Variants in DYNC2I1 observed in about 807,000 individuals in gnomAD.
DYNC2I1 encodes the protein cytoplasmic dynein 2 intermediate chain 1.
In DYNC2I1, 89 loss-of-function variants were observed where a neutral mutation model predicts 133.4. The ratio of observed to expected loss-of-function variants is 0.67; its 90% CI spans 0.56 to 0.80. The LOEUF is 0.80. Among genes scored for constraint, DYNC2I1 ranks in the 30% least tolerant of loss-of-function variants. DYNC2I1 has a pLI of 0.00. For missense variants in DYNC2I1, 1,291 were observed against 1,314.5 expected (o/e 0.98, Z 0.28); for synonymous variants, 504 against 484.3 (o/e 1.04, Z -0.54).
At chr7:158,886,886 T>G (rs1163422576) in intron 6 of DYNC2I1, 135 bp from the exon 7 acceptor site, 23 of 799,722 alleles carry the variant, frequency 2.9e-5, no homozygotes, top group Non-Finnish European at 4.4e-5. Flanking sequence ...CAGGTGCAAG[T>G]CATCGCTCCT....
At chr7:158,944,798 A>G (rs1026304785) in intron 24 of DYNC2I1, among the ~76,000 whole-genome samples, 1 of 152,204 alleles carries the variant, frequency 6.6e-6, no homozygotes, top group African/African-American at 2.4e-5. Flanking sequence ...TGAAGCAAAG[A>G]CGGGCAGGGA....
At chr7:158,861,049 C>T (rs1351765431) in intron 1 of DYNC2I1, among the ~76,000 whole-genome samples, 4 of 152,240 alleles carry the variant, frequency 2.6e-5, no homozygotes, top group Non-Finnish European at 5.9e-5. Context: ...AAGGCCACCT[C>T]TGGGACAACC....
chr7:158,881,529 C>T (rs1241837776), intron 5 of DYNC2I1, among the ~76,000 whole-genome samples: 1 of 152,174 alleles, frequency 6.6e-6, no homozygotes, highest in Non-Finnish European at 1.5e-5. Flanking sequence ...TCTCGGCTCA[C>T]TGCAACCTTG....
Position 158,887,179 on chromosome 7 carries a change from C to T in DYNC2I1, c.990+104C>T, listed in dbSNP as rs565002688. 3.1e-5 allele frequency: 35 copies of T among 1,130,626 alleles called. No individual in the cohort carries two copies. In the South Asian group the frequency reaches 4.2e-4, roughly 13 times the overall value. 70.0% of individuals were successfully genotyped at this position (1,130,626 alleles called of 1,614,324 possible). ...TGAAACCAGAGGCCGAGACAGGGCT[C>T]ATTTGCAGATGGTTTATTCGAGTGG... On this transcript the variant is annotated intron_variant, in intron 7 of 24. Transcript: ENST00000407559.
intron 14 of DYNC2I1, among the ~76,000 whole-genome samples, chr7:158,914,858 C>T (rs895321344): frequency 2.0e-5 from 3 of 152,314 alleles, no homozygotes; most frequent in Admixed American, 6.5e-5. Context: ...TCTAACTTTG[C>T]CTCCAAATAC....
intron 8 of DYNC2I1, among the ~76,000 whole-genome samples, chr7:158,892,070 G>T (rs990637350): frequency 9.9e-5 from 15 of 152,166 alleles, no homozygotes; most frequent in Non-Finnish European, 1.9e-4. Flanking sequence ...TGTGGTTCTA[G>T]CTCTGCACAG....
At chr7:158,865,457 C>CA (rs1283761509) in intron 1 of DYNC2I1, among the ~76,000 whole-genome samples, 2 of 152,328 alleles carry the variant, frequency 1.3e-5, no homozygotes, top group African/African-American at 4.8e-5. Flanking sequence ...AATCGAGGGA[C>CA]AGAGGCCCTG....
intron 8 of DYNC2I1, among the ~76,000 whole-genome samples, chr7:158,896,511 G>A (rs957267860): frequency 6.6e-5 from 10 of 151,978 alleles, no homozygotes; most frequent in Admixed American, 5.3e-4. Flanking sequence ...TAACTCTGTC[G>A]CTCAGACTTG....
At chr7:158,857,534 GTTTTTGTTTTTT>G (rs1369101477) in intron 1 of DYNC2I1, among the ~76,000 whole-genome samples, 3 of 131,402 alleles carry the variant, frequency 2.3e-5, no homozygotes, top group African/African-American at 9.4e-5. Context: ...TAAACCTTAG[GTTTTTGTTTTTT>G]TTTTTTTTTT....
intron 8 of DYNC2I1, among the ~76,000 whole-genome samples, chr7:158,893,665 CATATCATACCAT>C (rs1346885583): frequency 2.0e-5 from 3 of 151,946 alleles, no homozygotes; most frequent in African/African-American, 7.3e-5. Context: ...TGTCACACCG[CATATCATACCAT>C]ATATCATAGT....
chr7:158,932,662 C>G (rs767869127), intron 21 of DYNC2I1, among the ~76,000 whole-genome samples: 3 of 152,048 alleles, frequency 2.0e-5, no homozygotes, highest in Non-Finnish European at 2.9e-5. Flanking sequence ...GTAGATGGGT[C>G]AGTGTGGCAG....
chr7:158,856,671 C>T lies in DYNC2I1; in HGVS notation c.-65C>T, dbSNP rs1177189748. The T allele has an allele frequency of 1.9e-5, 23 of 1,231,002 alleles. No homozygotes were observed. Among genetic ancestry groups the T allele is most frequent in the Admixed American group, 4.2e-5 (1 of 23,648 alleles). The allele number at this position is 1,231,002 out of a possible 1,614,324, so 76.3% of individuals were successfully genotyped here. On this transcript the variant is annotated 5_prime_UTR_variant, in exon 1 of 25. Coordinates refer to ENST00000407559, the MANE Select transcript of DYNC2I1 (RefSeq NM_018051.5). ...GAAGGGTGCGGGGCACAGGTGGCCT[C>T]TTCGGGGTGGACCGCGCCTGGCCGG...
rs187346500 is a variant in DYNC2I1 at position 158,905,195 on chromosome 7, C to T, written c.1358-794C>T. 12 of 385,716 alleles carry T rather than the reference C, an allele frequency of 3.1e-5. No individual in the cohort carries two copies. The East Asian group carries it at 9.1e-4, about 29-fold the overall frequency. The allele number at this position is 385,716 out of a possible 1,614,324, so 23.9% of individuals were successfully genotyped here. On this transcript the variant is annotated intron_variant, in intron 10 of 24. Transcript: ENST00000407559. The stretch of plus-strand genomic sequence containing the variant: ...TCACTATGTCTCCCGTGCTGGAGTA[C>T]AGTGGCATGATCTCGGCTCACTGCA...
At chr7:158,862,797 C>T (rs954428678) in intron 1 of DYNC2I1, among the ~76,000 whole-genome samples, 1 of 152,006 alleles carries the variant, frequency 6.6e-6, no homozygotes, top group African/African-American at 2.4e-5. Flanking sequence ...GAGTTTGTTC[C>T]TTCACATGTT....
At chr7:158,841,252 G>A in the DYNC2I1 span, among the ~76,000 whole-genome samples, 1 of 136,792 alleles carries the variant, frequency 7.3e-6, no homozygotes, top group African/African-American at 2.8e-5. Context: ...TGTCACCCAG[G>A]CTGGAGTGCA....
downstream of DYNC2I1, among the ~76,000 whole-genome samples, chr7:158,948,828 G>C (rs1379687737): frequency 6.6e-6 from 1 of 152,188 alleles, no homozygotes; most frequent in Admixed American, 6.5e-5. Context: ...CCCAGGTATG[G>C]TAAAAGCACA....
chr7:158,875,067 G>C (rs188198928), intron 3 of DYNC2I1, among the ~76,000 whole-genome samples: 2 of 149,642 alleles, frequency 1.3e-5, no homozygotes, highest in East Asian at 4.0e-4. Context: ...ACTCCTAGAA[G>C]AGTGCTCAGT....
At chr7:158,872,387 C>T (rs1212515413) in intron 3 of DYNC2I1, among the ~76,000 whole-genome samples, 3 of 152,338 alleles carry the variant, frequency 2.0e-5, no homozygotes, top group Non-Finnish European at 2.9e-5. Flanking sequence ...AATCCCAGCA[C>T]TTTGGGAGGC....
At position 158,872,170 on chromosome 7, in the gene DYNC2I1, G is replaced by A. The variant is rs528681183; in HGVS notation, c.490+608G>A. Among the ~76,000 whole-genome samples the A allele has an allele frequency of 2.0e-5, 3 of 152,152 alleles. No homozygotes were observed. The East Asian group carries it at 5.8e-4, about 29-fold the overall frequency. On this transcript the variant is annotated intron_variant, in intron 3 of 24. Coordinates refer to ENST00000407559, the MANE Select transcript of DYNC2I1 (RefSeq NM_018051.5). ...ATCACTACAAAAAATAAAAAAATTA[G>A]CTGTGTGTGGTGGCGCTTGCCTGTA...
Sources: gnomAD v4.1 joint callset for allele counts (sites outside exome capture counted in the v4.1 genomes callset) on GRCh38, gnomAD v4.1.1 for gene constraint, MANE v1.5 for transcripts, NCBI Gene and HGNC (gene_info 2026-07-23, HGNC 2026-07-21) for gene names.